The following METTL15 variants were observed in gnomAD, a reference collection of about 807,000 sequenced individuals.
METTL15 encodes the protein methyltransferase 15, mitochondrial 12S rRNA N4-cytidine.
A neutral mutation model predicts 38.3 loss-of-function variants in METTL15; 34 were observed. That is an observed-to-expected ratio of 0.89 (90% CI 0.68 to 1.18). METTL15 has a LOEUF of 1.18. METTL15 is among the 50% of genes most tolerant of loss of function. The probability of loss-of-function intolerance (pLI) is 0.00; values close to 1 mark genes in which losing one functional copy is unlikely to be tolerated. For missense variants in METTL15, 438 were observed against 498.4 expected (o/e 0.88, Z 1.15); for synonymous variants, 162 against 170.9 (o/e 0.95, Z 0.41).
chr11:28,116,480 G>C (rs1273465212), intron 3 of METTL15, among the ~76,000 whole-genome samples: 1 of 152,054 alleles, frequency 6.6e-6, no homozygotes, highest in East Asian at 1.9e-4. Flanking sequence ...AAAGATTCTG[G>C]AACTGGACTG....
intron 5 of METTL15, among the ~76,000 whole-genome samples, chr11:28,378,030 C>T (rs1487262284): frequency 3.9e-5 from 6 of 152,180 alleles, no homozygotes; most frequent in South Asian, 2.1e-4. Context: ...TCTCCAGCTG[C>T]GTACTGGGAG....
At chr11:28,405,217 G>A (rs1850663825) in intron 5 of METTL15, among the ~76,000 whole-genome samples, 1 of 152,076 alleles carries the variant, frequency 6.6e-6, no homozygotes, top group African/African-American at 2.4e-5. Flanking sequence ...TCAAAAGCAT[G>A]TCATGATGAG....
At chr11:28,524,802 G>T (rs532571421) in intron 6 of METTL15, among the ~76,000 whole-genome samples, 50 of 152,284 alleles carry the variant, frequency 3.3e-4, no homozygotes, top group Non-Finnish European at 2.9e-5. Flanking sequence ...GGGCTTAAAG[G>T]TTATGTGTCC....
chr11:28,188,658 A>C (rs983816440), intron 3 of METTL15, among the ~76,000 whole-genome samples: 3 of 151,230 alleles, frequency 2.0e-5, no homozygotes, highest in African/African-American at 4.8e-5. Context: ...AACTCACCTG[A>C]AGTAATCATC....
intron 6 of METTL15, among the ~76,000 whole-genome samples, chr11:28,319,570 C>T (rs1478047493): frequency 6.6e-6 from 1 of 151,600 alleles, no homozygotes; most frequent in Non-Finnish European, 1.5e-5. Context: ...AGACATTTAA[C>T]CCCTCAGTTT....
intron 3 of METTL15, among the ~76,000 whole-genome samples, chr11:28,181,460 A>C (rs189803224): frequency 2.2e-4 from 33 of 151,634 alleles, no homozygotes; most frequent in African/African-American, 7.5e-4. Context: ...CCCTGTGTCC[A>C]TGTGTTCTCA....
chr11:28,467,113 A>G (rs1023935566), intron 6 of METTL15, among the ~76,000 whole-genome samples: 8 of 152,046 alleles, frequency 5.3e-5, no homozygotes, highest in Non-Finnish European at 8.8e-5. Context: ...GTCATTGGTT[A>G]TTTCAGTTGC....
intron 4 of METTL15, among the ~76,000 whole-genome samples, chr11:28,249,802 G>C (rs1441203914): frequency 6.6e-6 from 1 of 151,768 alleles, no homozygotes; most frequent in East Asian, 1.9e-4. Flanking sequence ...ATGGAGGTTT[G>C]GCGTATAGAT....
intron 6 of METTL15, among the ~76,000 whole-genome samples, chr11:28,451,754 G>T (rs11030341): frequency 0.42 from 64,313 of 152,028 alleles, 15,011 homozygotes; most frequent in Admixed American, 0.54. Context: ...ATTATGCAGC[G>T]TCTGCTGGTG....
chr11:28,261,725 G>T (rs1479480807), intron 4 of METTL15, among the ~76,000 whole-genome samples: 4 of 152,034 alleles, frequency 2.6e-5, no homozygotes, highest in South Asian at 2.1e-4. Flanking sequence ...CTAGAGTCAG[G>T]AGTAAAAATA....
intron 4 of METTL15, among the ~76,000 whole-genome samples, chr11:28,219,040 C>T (rs1298570862): frequency 6.6e-6 from 1 of 152,116 alleles, no homozygotes; most frequent in South Asian, 2.1e-4. Context: ...TGTGTCTCTG[C>T]CCGGCTTTGG....
chr11:28,254,380 T>G (rs527823307), intron 4 of METTL15, among the ~76,000 whole-genome samples: 1 of 152,328 alleles, frequency 6.6e-6, no homozygotes, highest in African/African-American at 2.4e-5. Context: ...ATTCTGGTTG[T>G]TAATCCCTTG....
intron 3 of METTL15, among the ~76,000 whole-genome samples, chr11:28,167,981 A>T (rs1850714420): frequency 6.6e-6 from 1 of 151,734 alleles, no homozygotes. Context: ...GCACCAGTCC[A>T]TTTTTTTTAG....
At chr11:28,116,278 T>C (rs1238160970) in intron 3 of METTL15, among the ~76,000 whole-genome samples, 2 of 152,178 alleles carry the variant, frequency 1.3e-5, no homozygotes, top group Non-Finnish European at 2.9e-5. Flanking sequence ...CTTTCTGATA[T>C]GTATATTCAT....
chr11:28,500,960 G>A (rs1851577906), intron 6 of METTL15, among the ~76,000 whole-genome samples: 1 of 152,186 alleles, frequency 6.6e-6, no homozygotes, highest in African/African-American at 2.4e-5. Context: ...CACCCTATTA[G>A]GATTTTTAAA....
intron 5 of METTL15, among the ~76,000 whole-genome samples, chr11:28,405,609 G>A (rs1478923140): frequency 6.6e-6 from 1 of 152,080 alleles, no homozygotes; most frequent in African/African-American, 2.4e-5. Context: ...CGGGCTCTGG[G>A]AAGACCTACA....
chr11:28,407,910 G>T (rs1159697933), intron 5 of METTL15, among the ~76,000 whole-genome samples: 1 of 152,012 alleles, frequency 6.6e-6, no homozygotes, highest in Non-Finnish European at 1.5e-5. Flanking sequence ...TCACACAAAT[G>T]CCCATAAATG....
chr11:28,374,172 C>T (rs201240315), intron 5 of METTL15, among the ~76,000 whole-genome samples: 1 of 151,840 alleles, frequency 6.6e-6, no homozygotes, highest in East Asian at 1.9e-4. Flanking sequence ...TCCGTATGAA[C>T]TTAAAGTAGT....
chr11:28,412,233 G>T (rs541436279), intron 5 of METTL15, among the ~76,000 whole-genome samples: 34 of 152,060 alleles, frequency 2.2e-4, no homozygotes, highest in African/African-American at 7.9e-4. Context: ...TCAGCAGTCT[G>T]TCTTCTGGGT....
Sources: allele counts gnomAD v4.1 joint callset (sites outside exome capture counted in the v4.1 genomes callset), GRCh38; gene constraint gnomAD v4.1.1; transcripts MANE v1.5; gene names NCBI Gene and HGNC (gene_info 2026-07-23, HGNC 2026-07-21).